The following PPHLN1 variants were observed in gnomAD, a reference collection of about 807,000 sequenced individuals.
PPHLN1 encodes the protein periphilin-1.
In PPHLN1, 29 loss-of-function variants were observed where a neutral mutation model predicts 51.3. The observed-to-expected ratio is 0.57, with a 90% CI of 0.42 to 0.77. PPHLN1 has a LOEUF of 0.77. Ranked by LOEUF, PPHLN1 falls within the 30% of genes least tolerant of loss-of-function variation. The probability of loss-of-function intolerance (pLI) is 0.00; values close to 1 mark genes in which losing one functional copy is unlikely to be tolerated. For synonymous variants in PPHLN1, 147 were observed against 147.8 expected, an observed-to-expected ratio of 0.99 and a Z score of 0.04; for missense variants, 436 against 438.4, an observed-to-expected ratio of 0.99 and a Z score of 0.05.
At position 42,360,458 on chromosome 12, in the gene PPHLN1, C is replaced by CTTTT. The variant is rs71084642; in HGVS notation, c.299+5262_299+5265dup. On this transcript the variant is annotated intron_variant, in intron 4 of 9. Transcript: ENST00000358314. ...ACAGTTCCTGAAGTGATGCTGAATT[C>CTTTT]TTTTTTTTTTTTTTTTTTTTTTTTT... is the stretch of plus-strand genomic sequence containing the variant. Among the ~76,000 whole-genome samples the CTTTT allele has an allele frequency of 3.0e-3, 168 of 56,292 alleles. 39 individuals are homozygous for CTTTT. Among genetic ancestry groups the CTTTT allele is most frequent in the African/African-American group, 0.012 (156 of 13,098 alleles). The allele number at this position is 56,292 out of a possible 152,430, so 36.9% of individuals were successfully genotyped here.
intron 9 of PPHLN1, among the ~76,000 whole-genome samples, chr12:42,435,089 T>C (rs2082364588): frequency 6.6e-6 from 1 of 152,246 alleles, no homozygotes; most frequent in African/African-American, 2.4e-5. Context: ...TTTTTATATG[T>C]GGAATTATTT....
At chr12:42,387,418 G>A (rs1408212596) in intron 6 of PPHLN1, 38 bp from the exon 7 acceptor site, 4 of 1,563,674 alleles carry the variant, frequency 2.6e-6, no homozygotes, top group Non-Finnish European at 3.5e-6. Context: ...AAACAAATTA[G>A]CTAGAAAAAA....
rs1882664 is a variant in PPHLN1, at chr12:42,356,240, G to T, written c.299+1018G>T. ...TGCCAAAAGTAGACAAGATTCAGTG[G>T]ATCAGAGCAAGACAGATTTTTATTC... On this transcript the variant is annotated intron_variant, in intron 4 of 9. Coordinates refer to ENST00000358314, the MANE Select transcript of PPHLN1 (RefSeq NM_201439.2). Among the ~76,000 whole-genome samples the T allele has an allele frequency of 7.1e-3, 1,084 of 152,290 alleles. 12 individuals carry two copies. The highest frequency in any genetic ancestry group is 0.025 in the African/African-American group (1,033 of 41,556).
intron 9 of PPHLN1, among the ~76,000 whole-genome samples, chr12:42,402,484 AT>A (rs2078929729): frequency 6.6e-6 from 1 of 152,138 alleles, no homozygotes; most frequent in Non-Finnish European, 1.5e-5. Context: ...TACTATCACC[AT>A]TTGTGCGACT....
rs376548466 is a variant in PPHLN1, at chr12:42,431,928, C to T, written c.910-9387C>T. 33 of 1,543,444 alleles carry T rather than the reference C, an allele frequency of 2.1e-5. No individual in the cohort carries two copies. The East Asian group carries it at 2.5e-4, about 12-fold the overall frequency. The stretch of plus-strand genomic sequence containing the variant: ...CATCAGTCCTTCGTCTACGAGACCT[C>T]GTATGACGATTAGTACTGTGATGAG... On this transcript the variant is annotated intron_variant, in intron 9 of 9. Transcript: ENST00000358314.
chr12:42,338,803 A>G (rs966987525), intron 2 of PPHLN1, among the ~76,000 whole-genome samples: 6 of 152,184 alleles, frequency 3.9e-5, no homozygotes, highest in Admixed American at 1.3e-4. Flanking sequence ...TAATTAAATT[A>G]TTGTCTCTTT....
downstream of PPHLN1, chr12:42,446,156 C>T (rs2083310788): frequency 6.2e-7 from 1 of 1,601,944 alleles, no homozygotes; most frequent in Non-Finnish European, 8.5e-7. Flanking sequence ...GACAGGAGCC[C>T]CAGACATTAC....
intron 7 of PPHLN1, among the ~76,000 whole-genome samples, chr12:42,391,188 G>A (rs2077672717): frequency 6.6e-6 from 1 of 152,074 alleles, no homozygotes; most frequent in East Asian, 1.9e-4. Context: ...TCAAATGATA[G>A]GTTTTCGAAT....
intron 9 of PPHLN1, among the ~76,000 whole-genome samples, chr12:42,420,218 T>C (rs1248139853): frequency 6.6e-6 from 1 of 152,214 alleles, no homozygotes. Context: ...ACATATAATA[T>C]GTTTACCTTT....
At position 42,411,691 on chromosome 12, in the gene PPHLN1, G is replaced by A. The variant is rs182123370; in HGVS notation, c.909+12697G>A. ...AGGCCGAGGCGGGTGGATCACCTGA[G>A]GTCAGGAGTTCAAGACCAGCCTGGC... On this transcript the variant is annotated intron_variant, in intron 9 of 9. Coordinates refer to ENST00000358314, the MANE Select transcript of PPHLN1 (RefSeq NM_201439.2). Among the ~76,000 whole-genome samples, 538 of 150,116 alleles carry A rather than the reference G, an allele frequency of 3.6e-3. 4 individuals are homozygous for A. Among genetic ancestry groups the A allele is most frequent in the African/African-American group, 0.013 (521 of 40,746 alleles).
chr12:42,400,978 A>T (rs2078791151), intron 9 of PPHLN1, among the ~76,000 whole-genome samples: 1 of 152,226 alleles, frequency 6.6e-6, no homozygotes, highest in Non-Finnish European at 1.5e-5. Flanking sequence ...TTTAAAAGAT[A>T]TGCATGTATA....
chr12:42,406,741 A>G, intron 9 of PPHLN1, among the ~76,000 whole-genome samples: 1 of 152,108 alleles, frequency 6.6e-6, no homozygotes, highest in East Asian at 1.9e-4. Context: ...TGGGGGAATA[A>G]AAGTTCTTAA....
chr12:42,364,641 G>A (rs537505343), intron 4 of PPHLN1, among the ~76,000 whole-genome samples: 5 of 152,126 alleles, frequency 3.3e-5, no homozygotes, highest in African/African-American at 1.2e-4. Flanking sequence ...TTTTAAAAAG[G>A]CCAGGCAGGT....
intron 9 of PPHLN1, among the ~76,000 whole-genome samples, chr12:42,437,097 C>T (rs939280808): frequency 1.3e-5 from 2 of 152,176 alleles, no homozygotes; most frequent in African/African-American, 2.4e-5. Context: ...ACTTGTAGCT[C>T]TTTCCCTCTT....
chr12:42,438,032 T>C (rs2082633566), intron 9 of PPHLN1, among the ~76,000 whole-genome samples: 1 of 152,236 alleles, frequency 6.6e-6, no homozygotes, highest in Non-Finnish European at 1.5e-5. Context: ...ATGAAAAATA[T>C]TCCATTGTAT....
chr12:42,398,272 T>G lies in PPHLN1; in HGVS notation c.769-582T>G, dbSNP rs576453303. On this transcript the variant is annotated intron_variant, in intron 8 of 9. Transcript: ENST00000358314. ...TTTGTGGGGTTTTCTTTTTAATGAT[T>G]TCAGTGAATTATTAGGCTACAGGAG... Among the ~76,000 whole-genome samples, 69 of 152,306 alleles carry G rather than the reference T, an allele frequency of 4.5e-4. No individual in the cohort carries two copies. The South Asian group carries it at 5.6e-3, about 12-fold the overall frequency.
At position 42,404,883 on chromosome 12, in the gene PPHLN1, C is replaced by T. The variant is rs961034163; in HGVS notation, c.909+5889C>T. Reference sequence around the variant, plus strand: ...TCTCTACTAAAAATACAAAATTAGCCGGGCGTGGTGGCCCATGCCTGTAAT... The same window carrying T: ...TCTCTACTAAAAATACAAAATTAGCTGGGCGTGGTGGCCCATGCCTGTAAT... On this transcript the variant is annotated intron_variant, in intron 9 of 9. Coordinates refer to ENST00000358314, the MANE Select transcript of PPHLN1 (RefSeq NM_201439.2). Among the ~76,000 whole-genome samples, 13 of 151,970 alleles carry T rather than the reference C, an allele frequency of 8.6e-5. 1 individual carries two copies. The highest frequency in any genetic ancestry group is 4.6e-4 in the Admixed American group (7 of 15,258).
chr12:42,375,006 G>T lies in PPHLN1; in HGVS notation c.443G>T (p.Ser148Ile). ...TCTCCACACAGCAGATCTGGTTCCA[G>T]TGTCAGTAGCAGAAGCTACTCTCCA... is the stretch of plus-strand genomic sequence containing the variant. ...KDSPHSRSGS[S>I]VSSRSYSPER... The change falls in exon 5 of 10, where the codon AGT (serine) becomes ATT (isoleucine). Residue 148 changes from serine (S) to isoleucine (I), a missense_variant. Physicochemically the swap from Ser to Ile is moderately radical, Grantham distance 142. Coordinates refer to ENST00000358314, the MANE Select transcript of PPHLN1 (RefSeq NM_201439.2). The T allele has an allele frequency of 6.2e-7, 1 of 1,614,002 alleles. No individual in the cohort carries two copies. The highest frequency in any genetic ancestry group is 8.5e-7 in the Non-Finnish European group (1 of 1,179,978).
chr12:42,366,416 C>T (rs1240653673), intron 4 of PPHLN1, among the ~76,000 whole-genome samples: 4 of 151,844 alleles, frequency 2.6e-5, no homozygotes, highest in Admixed American at 6.6e-5. Context: ...TTAGTAGAGA[C>T]GGGGTTTCAC....
Sources: allele counts gnomAD v4.1 joint callset (sites outside exome capture counted in the v4.1 genomes callset), GRCh38; gene constraint gnomAD v4.1.1; transcripts MANE v1.5; gene names NCBI Gene and HGNC (gene_info 2026-07-23, HGNC 2026-07-21).